Variants in RGS12 observed in about 807,000 individuals in gnomAD.
The protein encoded by RGS12 is regulator of G protein signaling 12.
Under a neutral mutation model 120.1 loss-of-function variants are expected in RGS12, and 66 were observed. The observed-to-expected ratio is 0.55, with a 90% CI of 0.45 to 0.67. The LOEUF is 0.67. Among genes scored for constraint, RGS12 ranks in the 30% least tolerant of loss-of-function variants. The probability of loss-of-function intolerance (pLI) is 0.00; values close to 1 mark genes in which losing one functional copy is unlikely to be tolerated. For synonymous variants in RGS12, 827 were observed against 804.7 expected, an observed-to-expected ratio of 1.03 and a Z score of -0.47; for missense variants, 1,859 against 1,957.7, an observed-to-expected ratio of 0.95 and a Z score of 0.95.
chr4:3,427,526 A>G (rs1283738938), intron 14 of RGS12, among the ~76,000 whole-genome samples: 1 of 152,230 alleles, frequency 6.6e-6, no homozygotes, highest in Non-Finnish European at 1.5e-5. Flanking sequence ...ACCTGAGGTC[A>G]GGAGTTCGAA....
chr4:3,361,301 G>T (rs1387197243), intron 3 of RGS12, among the ~76,000 whole-genome samples: 3 of 152,194 alleles, frequency 2.0e-5, no homozygotes, highest in Admixed American at 6.5e-5. Context: ...TGTGAACGGG[G>T]TGAGGGCTAC....
chr4:3,316,632 G>A lies in RGS12; in HGVS notation c.462G>A (p.Pro154=), dbSNP rs774176669. 16 of 1,613,960 alleles carry A rather than the reference G, an allele frequency of 9.9e-6. No individual in the cohort carries two copies. The highest frequency in any genetic ancestry group is 2.7e-5 in the African/African-American group (2 of 74,902). Residue 154 remains proline (P), a synonymous_variant, in exon 2 of 18, where the codon CCG becomes CCA. Coordinates refer to ENST00000336727, the MANE Select transcript of RGS12 (RefSeq NM_001394154.1). The part of the protein sequence containing the change: ...GGIFNMIFEN[P]SLCASNSEPL... Reference sequence around the variant, plus strand: ...TTTTCAATATGATTTTTGAAAACCCGAGCCTTTGTGCGAGCAATTCAGAGC... The same window carrying A: ...TTTTCAATATGATTTTTGAAAACCCAAGCCTTTGTGCGAGCAATTCAGAGC...
At chr4:3,405,301 C>T (rs961049809) in intron 4 of RGS12, among the ~76,000 whole-genome samples, 3 of 152,214 alleles carry the variant, frequency 2.0e-5, no homozygotes, top group South Asian at 2.1e-4. Context: ...TGAGAGCCAG[C>T]GTCACCCACC....
intron 4 of RGS12, among the ~76,000 whole-genome samples, chr4:3,412,081 C>T (rs1477049707): frequency 6.6e-6 from 1 of 152,286 alleles, no homozygotes; most frequent in Non-Finnish European, 1.5e-5. Context: ...TATCCCAGAA[C>T]TTCCTTTCGG....
rs1322998074 is a variant in RGS12, at chr4:3,366,421, C to A, written c.1999-19995C>A. 6.6e-6 allele frequency among the ~76,000 whole-genome samples: 1 copy of A among 152,110 alleles called. No individual in the cohort carries two copies. The highest frequency in any genetic ancestry group is 6.5e-5 in the Admixed American group (1 of 15,278). On this transcript the variant is annotated intron_variant, in intron 3 of 17. Coordinates refer to ENST00000336727, the MANE Select transcript of RGS12 (RefSeq NM_001394154.1). The surrounding 1 kb of genome is among the most constrained non-coding windows in gnomAD (Gnocchi z 4.0). ...AGCAGGGAGAGAATCAGGGCCTGTG[C>A]TCATATCTGTGAGCTCTGCAGATGT...
chr4:3,371,923 C>T (rs979090502), intron 3 of RGS12, among the ~76,000 whole-genome samples: 3 of 152,182 alleles, frequency 2.0e-5, no homozygotes, highest in Non-Finnish European at 1.5e-5. Flanking sequence ...AGCTGTTGCC[C>T]GACTCCATTC....
chr4:3,296,581 A>G (rs1723395426), intron 1 of RGS12, among the ~76,000 whole-genome samples: 1 of 152,190 alleles, frequency 6.6e-6, no homozygotes, highest in Non-Finnish European at 1.5e-5. Flanking sequence ...GTATTGCCGT[A>G]TGGCTTTCAC....
intron 3 of RGS12, among the ~76,000 whole-genome samples, chr4:3,355,746 G>A (rs901434547): frequency 7.4e-6 from 1 of 134,630 alleles, no homozygotes; most frequent in African/African-American, 2.7e-5. Flanking sequence ...AGTAAGCTGC[G>A]TTTGTGCCGC....
At chr4:3,300,649 T>C (rs1723634471) in intron 1 of RGS12, among the ~76,000 whole-genome samples, 1 of 152,188 alleles carries the variant, frequency 6.6e-6, no homozygotes, top group African/African-American at 2.4e-5. Context: ...GGGGAGACCC[T>C]TCCTGCCTCT....
At chr4:3,412,945 G>A (rs1361611103) in intron 4 of RGS12, 1 of 152,258 alleles carries the variant, frequency 6.6e-6, no homozygotes, top group Non-Finnish European at 1.5e-5. Flanking sequence ...CGGCCACTCT[G>A]GGACAGGGGC....
chr4:3,289,898 T>C (rs1192470956), upstream of RGS12, among the ~76,000 whole-genome samples: 1 of 152,234 alleles, frequency 6.6e-6, no homozygotes, highest in Non-Finnish European at 1.5e-5. Flanking sequence ...ACATGTAAGT[T>C]AGACCGGGCA....
chr4:3,361,851 G>A (rs1224899189), intron 3 of RGS12, among the ~76,000 whole-genome samples: 2 of 152,162 alleles, frequency 1.3e-5, no homozygotes, highest in African/African-American at 2.4e-5. Context: ...AAATGTCTTC[G>A]AGCTACACCA....
intron 9 of RGS12, 86 bp from the exon 10 acceptor site, chr4:3,420,556 C>G (rs905713190): frequency 3.6e-6 from 5 of 1,391,974 alleles, no homozygotes; most frequent in Non-Finnish European, 5.1e-6. Flanking sequence ...TCTGTCTGCT[C>G]AGCCTAAAGG....
At chr4:3,349,439 C>T (rs180851309) in intron 3 of RGS12, among the ~76,000 whole-genome samples, 38 of 152,292 alleles carry the variant, frequency 2.5e-4, no homozygotes, top group Non-Finnish European at 5.0e-4. Context: ...ATACCTATAA[C>T]TTTCTTCACA....
rs1349515072 is a variant in RGS12, at chr4:3,389,418, A to G, written c.2020+2981A>G. The stretch of plus-strand genomic sequence containing the variant: ...CCTTGTGGGAAGTTATTCAGACAGA[A>G]GTGTGAGGTCGAGCTGGAGGGAGAT... On this transcript the variant is annotated intron_variant, in intron 4 of 17. Coordinates refer to ENST00000336727, the MANE Select transcript of RGS12 (RefSeq NM_001394154.1). This position sits in a 1 kb window ranked among gnomAD's most constrained non-coding sequence, Gnocchi z 5.2. Among the ~76,000 whole-genome samples the G allele has an allele frequency of 6.6e-6, 1 of 152,282 alleles. No homozygotes were observed. The highest frequency in any genetic ancestry group is 6.5e-5 in the Admixed American group (1 of 15,310).
intron 2 of RGS12, among the ~76,000 whole-genome samples, chr4:3,334,940 C>T (rs1301453350): frequency 6.6e-6 from 1 of 152,084 alleles, no homozygotes; most frequent in East Asian, 1.9e-4. Flanking sequence ...GGTTCTCCCT[C>T]CCTGCTTTCT....
chr4:3,419,774 T>C (rs1371499797), intron 9 of RGS12, among the ~76,000 whole-genome samples: 1 of 152,118 alleles, frequency 6.6e-6, no homozygotes, highest in Non-Finnish European at 1.5e-5. Context: ...TGAGCTATGA[T>C]TGTGCCACTG....
intron 6 of RGS12, among the ~76,000 whole-genome samples, chr4:3,415,674 A>G (rs1722307657): frequency 6.6e-6 from 1 of 152,042 alleles, no homozygotes; most frequent in Non-Finnish European, 1.5e-5. Flanking sequence ...GCTCTCCTGC[A>G]CTCCCACCTT....
chr4:3,347,542 C>T (rs993126793), intron 3 of RGS12, among the ~76,000 whole-genome samples: 1 of 152,178 alleles, frequency 6.6e-6, no homozygotes, highest in African/African-American at 2.4e-5. Context: ...AACATCTCAT[C>T]AGTTATTTAA....
Sources: allele counts gnomAD v4.1 joint callset (sites outside exome capture counted in the v4.1 genomes callset), GRCh38; gene constraint gnomAD v4.1.1; non-coding constraint Gnocchi (gnomAD v3.1); transcripts MANE v1.5; gene names NCBI Gene and HGNC (gene_info 2026-07-23, HGNC 2026-07-21).